NPLOC4: variants seen among roughly 807,000 people sequenced by gnomAD.
The protein encoded by NPLOC4 is nuclear protein localization protein 4 homolog.
Under a neutral mutation model 80.6 loss-of-function variants are expected in NPLOC4, and 18 were observed. The observed-to-expected ratio is 0.22, with a 90% CI of 0.15 to 0.33. The LOEUF (loss-of-function observed/expected upper bound fraction) is 0.33, where lower values mean the gene tolerates loss of function less well. Among genes scored for constraint, NPLOC4 ranks in the 10% least tolerant of loss-of-function variants. NPLOC4 has a pLI of 1.00. For synonymous variants in NPLOC4, 313 were observed against 301.5 expected (o/e 1.04, Z -0.39); for missense variants, 540 against 786.1 (o/e 0.69, Z 3.74).
At chr17:81,619,040 T>G (rs932022455) in intron 3 of NPLOC4, among the ~76,000 whole-genome samples, 40 of 151,976 alleles carry the variant, frequency 2.6e-4, no homozygotes, top group Middle Eastern at 3.4e-3. Context: ...CTCCCTAATC[T>G]CAAGTACCCA....
At chr17:81,633,632 T>C (rs947917071) in intron 1 of NPLOC4, among the ~76,000 whole-genome samples, 61 of 152,206 alleles carry the variant, frequency 4.0e-4, no homozygotes, top group South Asian at 2.1e-4. Context: ...AGTTTCCCTA[T>C]TTATAAGAAA....
At chr17:81,560,391 C>T (rs921485115) in intron 16 of NPLOC4, among the ~76,000 whole-genome samples, 2 of 150,160 alleles carry the variant, frequency 1.3e-5, no homozygotes, top group Non-Finnish European at 3.0e-5. Context: ...CCAGCCTGGG[C>T]GACACAGCGA....
chr17:81,560,332 G>C (rs2033811681), intron 16 of NPLOC4, among the ~76,000 whole-genome samples: 1 of 152,096 alleles, frequency 6.6e-6, no homozygotes, highest in South Asian at 2.1e-4. Flanking sequence ...AGAATCCCAT[G>C]AACCCGGGAG....
intron 12 of NPLOC4, among the ~76,000 whole-genome samples, chr17:81,575,761 C>T (rs2034280375): frequency 6.6e-6 from 1 of 152,210 alleles, no homozygotes; most frequent in African/African-American, 2.4e-5. Flanking sequence ...GCTCGGACCC[C>T]AACAGCCGTC....
At position 81,567,862 on chromosome 17, in the gene NPLOC4, G is replaced by A. The variant is rs1172411720; in HGVS notation, c.1450-329C>T. On this transcript the variant is annotated intron_variant, in intron 14 of 16. Transcript: ENST00000331134. This position sits in a 1 kb window ranked among gnomAD's most constrained non-coding sequence, Gnocchi z 4.5. ...TTTTAGGAGGCCGAGGCAGGCAGGT[G>A]GTCAGGAGTTCGAGACCAGTCTGGC... The A allele has an allele frequency of 8.9e-6, 2 of 224,206 alleles. No homozygotes were observed. The highest frequency in any genetic ancestry group is 1.1e-4 in the East Asian group (1 of 8,844). 13.9% of individuals were successfully genotyped at this position (224,206 alleles called of 1,614,324 possible). A position where few individuals can be genotyped will look rare whatever the true frequency, so the allele number is the denominator to read the frequency against.
chr17:81,632,231 T>C (rs2035950644), intron 1 of NPLOC4, among the ~76,000 whole-genome samples: 1 of 152,138 alleles, frequency 6.6e-6, no homozygotes, highest in Admixed American at 6.6e-5. Context: ...TGCCTCAGCC[T>C]CCTAAAGTGC....
intron 2 of NPLOC4, among the ~76,000 whole-genome samples, chr17:81,629,144 C>G (rs1210272338): frequency 6.7e-6 from 1 of 150,198 alleles, no homozygotes; most frequent in Non-Finnish European, 1.5e-5. Context: ...TCCCAAAGTG[C>G]TGCGATTACA....
At chr17:81,623,405 C>T (rs1457060496) in intron 2 of NPLOC4, among the ~76,000 whole-genome samples, 1 of 131,508 alleles carries the variant, frequency 7.6e-6, no homozygotes, top group Non-Finnish European at 1.5e-5. Context: ...GTAGAGGCTG[C>T]AGTGAGTCGA....
At chr17:81,590,628 G>A (rs1238336339) in intron 11 of NPLOC4, among the ~76,000 whole-genome samples, 2 of 152,062 alleles carry the variant, frequency 1.3e-5, no homozygotes, top group Non-Finnish European at 2.9e-5. Context: ...TTACAGGTGT[G>A]AGCCACTGTG....
chr17:81,598,052 G>A (rs957283672), intron 9 of NPLOC4, among the ~76,000 whole-genome samples: 8 of 145,146 alleles, frequency 5.5e-5, no homozygotes, highest in South Asian at 2.1e-4. Flanking sequence ...CCGAGATTGC[G>A]TCACTGCACT....
intron 1 of NPLOC4, 87 bp from the exon 2 acceptor site, chr17:81,629,892 T>G (rs1480501550): frequency 5.2e-6 from 5 of 960,336 alleles, no homozygotes; most frequent in Non-Finnish European, 8.3e-6. Context: ...TCTTTTAGCA[T>G]CTGGGTCACT....
At chr17:81,594,431 A>C (rs961225403) in intron 11 of NPLOC4, among the ~76,000 whole-genome samples, 1 of 152,248 alleles carries the variant, frequency 6.6e-6, no homozygotes, top group East Asian at 1.9e-4. Context: ...ATGCACCTTA[A>C]ATCAAGGAAC....
intron 12 of NPLOC4, among the ~76,000 whole-genome samples, chr17:81,582,558 CA>C (rs1242130057): frequency 2.0e-5 from 3 of 152,304 alleles, no homozygotes; most frequent in African/African-American, 4.8e-5. Context: ...CATGACACAG[CA>C]CCCGACTAAT....
In NPLOC4 at chr17:81,581,375, A is replaced by AAAAAAAAAAAATGTC. The variant is rs1555680405; in HGVS notation, c.1281+7568_1281+7569insGACATTTTTTTTTTT. ...AAAAAAAAAAAAAAAAAAAAAAAAA[A>AAAAAAAAAAAATGTC]AGTTAATAAAATCACCATGTCACAA... On this transcript the variant is annotated intron_variant, in intron 12 of 16. Transcript: ENST00000331134. Among the ~76,000 whole-genome samples the AAAAAAAAAAAATGTC allele has an allele frequency of 2.7e-5, 2 of 72,810 alleles. 1 individual carries two copies. The highest frequency in any genetic ancestry group is 5.7e-5 in the Non-Finnish European group (2 of 34,996). The allele number at this position is 72,810 out of a possible 152,430, so 47.8% of individuals were successfully genotyped here. A position where few individuals can be genotyped will look rare whatever the true frequency, so the allele number is the denominator to read the frequency against.
chr17:81,560,233 C>T (rs1232009231), intron 16 of NPLOC4, among the ~76,000 whole-genome samples: 1 of 150,060 alleles, frequency 6.7e-6, no homozygotes, highest in Non-Finnish European at 1.5e-5. Flanking sequence ...GCCTGGCCAA[C>T]ATGGCGAAAC....
intron 3 of NPLOC4, 71 bp downstream of exon 3, chr17:81,622,095 C>T: frequency 3.6e-6 from 4 of 1,103,942 alleles, no homozygotes; most frequent in Non-Finnish European, 4.2e-6. Context: ...GGATAAAACT[C>T]GGCAACCTCG....
intron 2 of NPLOC4, 52 bp downstream of exon 2, chr17:81,629,673 A>T (rs1033080698): frequency 3.9e-6 from 5 of 1,284,622 alleles, no homozygotes; most frequent in Admixed American, 3.5e-5. Context: ...CGATGGCAGT[A>T]AGAGTAGAGG....
At chr17:81,597,216 C>A in intron 10 of NPLOC4, 29 bp downstream of exon 10, 1 of 1,585,842 alleles carries the variant, frequency 6.3e-7, no homozygotes, top group Non-Finnish European at 8.7e-7. Flanking sequence ...AGCCATAGGG[C>A]CACACGCACA....
chr17:81,610,440 G>A (rs890729262), intron 4 of NPLOC4, among the ~76,000 whole-genome samples, 182 bp from the exon 5 acceptor site: 1 of 152,112 alleles, frequency 6.6e-6, no homozygotes, highest in Admixed American at 6.6e-5. Flanking sequence ...TTAAAGACAG[G>A]CTCTCACTCT....
Sources: allele counts gnomAD v4.1 joint callset (sites outside exome capture counted in the v4.1 genomes callset), GRCh38; gene constraint gnomAD v4.1.1; non-coding constraint Gnocchi (gnomAD v3.1); transcripts MANE v1.5; gene names NCBI Gene and HGNC (gene_info 2026-07-23, HGNC 2026-07-21).